Variants in BDP1 observed in about 807,000 individuals in gnomAD.
The protein encoded by BDP1 is transcription factor TFIIIB component B'' homolog.
A neutral mutation model predicts 266.6 loss-of-function variants in BDP1; 169 were observed. The observed-to-expected ratio is 0.63, with a 90% CI of 0.56 to 0.72. The LOEUF is 0.72. BDP1 is among the 30% of genes least tolerant of loss of function. The pLI, the probability that BDP1 is intolerant of heterozygous loss-of-function variation, is 0.00. For synonymous variants in BDP1, 1,090 were observed against 1,022.4 expected (o/e 1.07, Z -1.26); for missense variants, 3,015 against 3,053.8 (o/e 0.99, Z 0.30).
intron 10 of BDP1, 143 bp downstream of exon 10, chr5:71,489,825 C>A: frequency 1.7e-6 from 1 of 588,078 alleles, no homozygotes; most frequent in Non-Finnish European, 2.7e-6. Flanking sequence ...TGTGCTAACG[C>A]TGTTTATTTT....
At chr5:71,568,992 C>G (rs1744179155), downstream of BDP1, among the ~76,000 whole-genome samples, 1 of 152,138 alleles carries the variant, frequency 6.6e-6, no homozygotes, top group African/African-American at 2.4e-5. Context: ...ATGGCACTAG[C>G]TTTATTCCAG....
Position 71,567,133 on chromosome 5 carries a change from A to G in BDP1, c.*2248A>G, listed in dbSNP as rs1189023980. ...GGTAGTAAATCACATTGCTATTTGA[A>G]TACCCTGTTTTTGTAAGTTTTTAAA... On this transcript the variant is annotated 3_prime_UTR_variant, in exon 39 of 39. Coordinates refer to ENST00000358731, the MANE Select transcript of BDP1 (RefSeq NM_018429.3). 6.6e-6 allele frequency: 1 copy of G among 152,194 alleles called. No individual in the cohort carries two copies. Among genetic ancestry groups the G allele is most frequent in the African/African-American group, 2.4e-5 (1 of 41,436 alleles). 9.4% of individuals were successfully genotyped at this position (152,194 alleles called of 1,614,324 possible).
intron 5 of BDP1, 126 bp downstream of exon 5, chr5:71,466,347 T>C (rs1241627365): frequency 9.8e-7 from 1 of 1,016,380 alleles, no homozygotes; most frequent in Non-Finnish European, 1.4e-6. Context: ...ATTTGCATAA[T>C]GAATATTGTA....
chr5:71,510,278 G>T lies in BDP1; in HGVS notation c.3186G>T (p.Thr1062=). Residue 1062 remains threonine (T), a synonymous_variant, in exon 17 of 39, where the codon ACG becomes ACT. Coordinates refer to ENST00000358731, the MANE Select transcript of BDP1 (RefSeq NM_018429.3). ...TCAAGCCTCTAGGTGAAATGGAGAC[G>T]GATTTGAAAGCAACTGGAAGAGACA... is the stretch of plus-strand genomic sequence containing the variant. ...EEVKPLGEME[T]DLKATGRDSF... is the part of the protein sequence containing the mutation. 3.1e-6 allele frequency: 5 copies of T among 1,598,866 alleles called. No homozygotes were observed. The highest frequency in any genetic ancestry group is 4.3e-6 in the Non-Finnish European group (5 of 1,174,556).
downstream of BDP1, among the ~76,000 whole-genome samples, chr5:71,568,491 T>C (rs1744152508): frequency 6.6e-6 from 1 of 152,194 alleles, no homozygotes; most frequent in African/African-American, 2.4e-5. Flanking sequence ...GTTTAAGAGA[T>C]GGGGTTTCGC....
chr5:71,514,848 T>C lies in BDP1; in HGVS notation c.4471-96T>C, dbSNP rs376732772. ...AGAATTTTGGTATAGACTACCCTATTATTCTTCACGAAGATGATATCAGTT... is the reference window on the plus strand; with the variant it reads ...AGAATTTTGGTATAGACTACCCTATCATTCTTCACGAAGATGATATCAGTT... On this transcript the variant is annotated intron_variant, in intron 19 of 38. Coordinates refer to ENST00000358731, the MANE Select transcript of BDP1 (RefSeq NM_018429.3). 26 of 818,442 alleles carry C rather than the reference T, an allele frequency of 3.2e-5. No homozygotes were observed. In the South Asian group the frequency reaches 4.4e-4, roughly 14 times the overall value. The allele number at this position is 818,442 out of a possible 1,614,324, so 50.7% of individuals were successfully genotyped here. A position where few individuals can be genotyped will look rare whatever the true frequency, so the allele number is the denominator to read the frequency against.
chr5:71,522,250 T>A (rs1765531199), intron 22 of BDP1, 39 bp from the exon 23 acceptor site: 1 of 1,538,142 alleles, frequency 6.5e-7, no homozygotes, highest in Non-Finnish European at 8.9e-7. Flanking sequence ...CAAGAAATTC[T>A]GATTTTTGTT....
chr5:71,546,475 A>G (rs892938007), intron 32 of BDP1, among the ~76,000 whole-genome samples: 1 of 151,840 alleles, frequency 6.6e-6, no homozygotes, highest in Non-Finnish European at 1.5e-5. Flanking sequence ...AAAATTAGCC[A>G]GTCGTGGTGG....
intron 25 of BDP1, 140 bp from the exon 26 acceptor site, chr5:71,532,168 A>T (rs1738998410): frequency 8.9e-6 from 6 of 677,692 alleles, no homozygotes; most frequent in Non-Finnish European, 1.4e-5. Context: ...GAATTACTCC[A>T]TTCCATTTTT....
At chr5:71,473,208 C>G (rs1293161780) in intron 7 of BDP1, among the ~76,000 whole-genome samples, 1 of 147,618 alleles carries the variant, frequency 6.8e-6, no homozygotes, top group East Asian at 2.0e-4. Flanking sequence ...ATTCATCTTG[C>G]TAAGTGTTTA....
intron 17 of BDP1, among the ~76,000 whole-genome samples, chr5:71,511,856 T>G (rs973151556): frequency 3.3e-5 from 5 of 152,228 alleles, no homozygotes; most frequent in Admixed American, 3.3e-4. Flanking sequence ...AACCCTAGCG[T>G]GAACACACAT....
chr5:71,470,288 G>C, intron 6 of BDP1, 107 bp from the exon 7 acceptor site: 1 of 796,828 alleles, frequency 1.3e-6, no homozygotes, highest in Non-Finnish European at 2.0e-6. Context: ...GTATTGCATG[G>C]GGATCTTTCT....
chr5:71,527,085 T>C (rs1187468231), intron 25 of BDP1, among the ~76,000 whole-genome samples: 3 of 152,054 alleles, frequency 2.0e-5, no homozygotes, highest in African/African-American at 7.2e-5. Flanking sequence ...CAGAACTCTT[T>C]TTTAAAATTA....
chr5:71,516,232 A>G lies in BDP1; in HGVS notation c.4821A>G (p.Ile1607Met). ...GCATAATTAAGGAAGGAAGAACGAT[A>G]TTACCAAAAGATGAAACTGAAAAGA... ...AKGIIKEGRT[I>M]LPKDETEKKV... Residue 1607 changes from isoleucine to methionine, a missense_variant, in exon 21 of 39, where the codon ATA becomes ATG. This residue lies in a region of BDP1 where 2,383 missense variants were observed against 2,404.9 expected (regional missense o/e 0.99). Coordinates refer to ENST00000358731, the MANE Select transcript of BDP1 (RefSeq NM_018429.3). The G allele has an allele frequency of 6.2e-7, 1 of 1,613,312 alleles. No homozygotes were observed. Among genetic ancestry groups the G allele is most frequent in the Non-Finnish European group, 8.5e-7 (1 of 1,179,544 alleles).
In BDP1 at chr5:71,549,502, A is replaced by G. The variant is rs770660753; in HGVS notation, c.6891A>G (p.Ala2297=). 2 of 1,614,178 alleles carry G rather than the reference A, an allele frequency of 1.2e-6. No individual in the cohort carries two copies. Among genetic ancestry groups the G allele is most frequent in the Admixed American group, 1.7e-5 (1 of 60,024 alleles). The change falls in exon 34 of 39, where the codon GCA becomes GCG. Residue 2297 remains alanine (A), a synonymous_variant. Coordinates refer to ENST00000358731, the MANE Select transcript of BDP1 (RefSeq NM_018429.3). ...CTCTGGTGGAAATCCCAGCCAATGC[A>G]GTAGAAGAATTTACTGATGCCACTG... The part of the protein sequence containing the change: ...ILTLVEIPAN[A]VEEFTDATAQ...
chr5:71,459,345 C>T (rs941294487), intron 2 of BDP1, among the ~76,000 whole-genome samples: 8 of 152,162 alleles, frequency 5.3e-5, no homozygotes, highest in African/African-American at 1.2e-4. Flanking sequence ...AACCCTGTCT[C>T]TACTAAAAAT....
chr5:71,461,962 T>C (rs1255549468), intron 3 of BDP1, 36 bp downstream of exon 3: 6 of 944,934 alleles, frequency 6.3e-6, no homozygotes, highest in Admixed American at 4.8e-5. Flanking sequence ...CTATCTCTTT[T>C]TTTTTTTTTT....
chr5:71,525,257 C>CG (rs1293171424), intron 25 of BDP1, among the ~76,000 whole-genome samples: 4 of 148,606 alleles, frequency 2.7e-5, no homozygotes, highest in Non-Finnish European at 6.0e-5. Context: ...GCTGGCCAGG[C>CG]GGGGGGCTGA....
chr5:71,564,831 A>G lies in BDP1; in HGVS notation c.7821A>G (p.Thr2607=). The G allele has an allele frequency of 6.2e-7, 1 of 1,611,570 alleles. No homozygotes were observed. The highest frequency in any genetic ancestry group is 8.5e-7 in the Non-Finnish European group (1 of 1,179,644). Residue 2607 remains threonine, a synonymous_variant, in exon 39 of 39, where the codon ACA becomes ACG. Transcript: ENST00000358731. ...GGGCCCCTCAAGGGGAGGCAACCAC[A>G]GTCTCTGAATATTTCTTCAATGATA... is the stretch of plus-strand genomic sequence containing the variant. ...QKRAPQGEAT[T]VSEYFFNDIF...
Sources: allele counts gnomAD v4.1 joint callset (sites outside exome capture counted in the v4.1 genomes callset), GRCh38; gene constraint gnomAD v4.1.1; regional missense constraint gnomAD v4.1.1; transcripts MANE v1.5; gene names NCBI Gene and HGNC (gene_info 2026-07-23, HGNC 2026-07-21).